The following CHD2 variants were observed in gnomAD, a reference collection of about 807,000 sequenced individuals.
CHD2 encodes the protein ATP-dependent chromatin remodeler CHD2.
In CHD2, 28 loss-of-function variants were observed where a neutral mutation model predicts 243.9. That is an observed-to-expected ratio of 0.11 (90% confidence interval 0.09 to 0.16). CHD2 has a LOEUF of 0.16. Among genes scored for constraint, CHD2 ranks in the 10% least tolerant of loss-of-function variants. The pLI is 1.00. For missense variants in CHD2, 1,386 were observed against 2,209.8 expected, an observed-to-expected ratio of 0.63 and a Z score of 7.47; for synonymous variants, 775 against 779.0, an observed-to-expected ratio of 0.99 and a Z score of 0.09.
At chr15:92,936,444 C>T (rs1340487869) in intron 5 of CHD2, among the ~76,000 whole-genome samples, 2 of 152,290 alleles carry the variant, frequency 1.3e-5, no homozygotes, top group African/African-American at 2.4e-5. Context: ...TGTTTCTTCC[C>T]TCTTCTCTGT....
At chr15:92,944,333 T>C in intron 9 of CHD2, 82 bp from the exon 10 acceptor site, 1 of 685,792 alleles carries the variant, frequency 1.5e-6, no homozygotes, top group Non-Finnish European at 2.5e-6. Flanking sequence ...GGTTTTCTTT[T>C]CCACCTTTGA....
intron 16 of CHD2, among the ~76,000 whole-genome samples, chr15:92,959,554 C>T (rs2053658681): frequency 1.3e-5 from 2 of 152,124 alleles, no homozygotes; most frequent in Admixed American, 1.3e-4. Flanking sequence ...GGAAGTGGCG[C>T]AATCTCAGCT....
chr15:92,936,745 G>A (rs529804193), intron 5 of CHD2, among the ~76,000 whole-genome samples: 1 of 152,044 alleles, frequency 6.6e-6, no homozygotes, highest in Non-Finnish European at 1.5e-5. Context: ...TTTCTACCCA[G>A]TATCAGCATT....
intron 2 of CHD2, chr15:92,902,831 G>C (rs1045452970): frequency 6.6e-6 from 1 of 152,146 alleles, no homozygotes; most frequent in Non-Finnish European, 1.5e-5. Context: ...GTCTCACATG[G>C]GTTTTGGCTC....
At chr15:92,965,196 T>TA (rs1487096273) in intron 16 of CHD2, 1 of 152,156 alleles carries the variant, frequency 6.6e-6, no homozygotes, top group Non-Finnish European at 1.5e-5. Flanking sequence ...ACTATGACCT[T>TA]ATACCTTTTC....
chr15:92,970,316 C>CT (rs2053824238), intron 17 of CHD2, among the ~76,000 whole-genome samples: 1 of 152,074 alleles, frequency 6.6e-6, no homozygotes, highest in Admixed American at 6.5e-5. Context: ...ATTCTCCTGC[C>CT]TCAGCCTCCC....
chr15:92,918,856 CATATAT>C (rs148019618), intron 2 of CHD2, among the ~76,000 whole-genome samples: 2,228 of 150,518 alleles, frequency 0.015, 46 homozygotes, highest in African/African-American at 0.051. Flanking sequence ...TATATACATA[CATATAT>C]ATATATATTT....
intron 38 of CHD2, chr15:93,020,468 A>C: frequency 1.5e-6 from 1 of 645,576 alleles, no homozygotes; most frequent in Non-Finnish European, 2.6e-6. Context: ...GTGCAGGAAA[A>C]GAGTTTTCTG....
At chr15:92,972,243 G>T in intron 18 of CHD2, 22 bp from the exon 19 acceptor site, 1 of 1,596,700 alleles carries the variant, frequency 6.3e-7, no homozygotes. Context: ...CATAATTATT[G>T]GAATGTCTTT....
chr15:92,989,854 G>A (rs147537451), intron 26 of CHD2, among the ~76,000 whole-genome samples: 125 of 152,298 alleles, frequency 8.2e-4, no homozygotes, highest in African/African-American at 2.9e-3. Flanking sequence ...AAGCCAAAGC[G>A]CAGAGGGTGT....
intron 5 of CHD2, among the ~76,000 whole-genome samples, chr15:92,936,507 C>G (rs1162096433): frequency 4.6e-5 from 7 of 152,132 alleles, no homozygotes; most frequent in African/African-American, 1.7e-4. Context: ...TTCAAGTAAA[C>G]TAAAACTGTT....
At chr15:92,950,446 T>C (rs2053538453) in intron 13 of CHD2, 2 of 152,232 alleles carry the variant, frequency 1.3e-5, no homozygotes, top group African/African-American at 4.8e-5. Context: ...GAAGTACCTT[T>C]AATGCCAACC....
At chr15:92,964,669 C>G (rs1292990443) in intron 16 of CHD2, among the ~76,000 whole-genome samples, 1 of 152,196 alleles carries the variant, frequency 6.6e-6, no homozygotes, top group African/African-American at 2.4e-5. Flanking sequence ...GTACACATGA[C>G]TAACCATATT....
chr15:92,954,884 A>G (rs1400767492), intron 14 of CHD2, among the ~76,000 whole-genome samples: 1 of 152,198 alleles, frequency 6.6e-6, no homozygotes, highest in Non-Finnish European at 1.5e-5. Context: ...ATACTTCAGT[A>G]TGAATGTACT....
intron 5 of CHD2, among the ~76,000 whole-genome samples, chr15:92,931,755 T>C (rs548292517): frequency 6.6e-6 from 1 of 152,276 alleles, no homozygotes; most frequent in Admixed American, 6.5e-5. Context: ...TTACCTTTTA[T>C]CCCTTTACCT....
chr15:92,986,809 G>C (rs2054049472), intron 26 of CHD2, among the ~76,000 whole-genome samples: 1 of 152,078 alleles, frequency 6.6e-6, no homozygotes, highest in African/African-American at 2.4e-5. Flanking sequence ...TCACACTCCT[G>C]GGCTCAAGTG....
At chr15:92,922,399 A>G (rs1472851431) in intron 2 of CHD2, among the ~76,000 whole-genome samples, 1 of 151,992 alleles carries the variant, frequency 6.6e-6, no homozygotes, top group Non-Finnish European at 1.5e-5. Flanking sequence ...GGTTTTTCTC[A>G]TCTTTCCCCA....
In CHD2 at chr15:92,945,444, T is replaced by A. The variant is rs896767239; in HGVS notation, c.1154-377T>A. ...TCTTGCTCTGTTGCCCAGGCTGGAG[T>A]GCAGTGGCGTGATCTCAGCTCACTG... is the stretch of plus-strand genomic sequence containing the variant. On this transcript the variant is annotated intron_variant, in intron 10 of 38. Transcript: ENST00000394196. The A allele has an allele frequency of 6.1e-5, 9 of 146,758 alleles. No homozygotes were observed. In the Admixed American group the frequency reaches 6.7e-4, roughly 11 times the overall value. The allele number at this position is 146,758 out of a possible 1,614,324, so 9.1% of individuals were successfully genotyped here.
intron 37 of CHD2, 70 bp from the exon 38 acceptor site, chr15:93,019,942 A>AAG: frequency 6.5e-7 from 1 of 1,545,996 alleles, no homozygotes; most frequent in Non-Finnish European, 8.7e-7. Flanking sequence ...TCCAAAAAAA[A>AAG]AAAAATTGTA....
Sources: gnomAD v4.1 joint callset for allele counts (sites outside exome capture counted in the v4.1 genomes callset) on GRCh38, gnomAD v4.1.1 for gene constraint, MANE v1.5 for transcripts, NCBI Gene and HGNC (gene_info 2026-07-23, HGNC 2026-07-21) for gene names.